Variants in FBXO42 observed in about 807,000 individuals in gnomAD.
FBXO42 encodes the protein F-box only protein 42.
A neutral mutation model predicts 71.7 loss-of-function variants in FBXO42; 12 were observed. The ratio of observed to expected loss-of-function variants is 0.17; its 90% CI spans 0.11 to 0.27. The LOEUF is 0.27. FBXO42 is among the 10% of genes least tolerant of loss of function. FBXO42 has a pLI of 1.00. For missense variants in FBXO42, 707 were observed against 911.9 expected, an observed-to-expected ratio of 0.78 and a Z score of 2.89; for synonymous variants, 325 against 327.5, an observed-to-expected ratio of 0.99 and a Z score of 0.08.
intron 4 of FBXO42, among the ~76,000 whole-genome samples, chr1:16,264,945 G>C (rs538895437): frequency 6.6e-6 from 1 of 152,242 alleles, no homozygotes; most frequent in South Asian, 2.1e-4. Flanking sequence ...CCAAATCCTA[G>C]TTTGATTTCT....
In FBXO42 at chr1:16,262,678, C is replaced by T. The variant is rs137925161; in HGVS notation, c.503-5919G>A. ...GTACACATGGGGTGGTCAGAGATTA[C>T]GCGGATCCATCAATTTTGGCAATTT... On this transcript the variant is annotated intron_variant, in intron 4 of 9. Transcript: ENST00000375592. 7.0e-4 allele frequency among the ~76,000 whole-genome samples: 107 copies of T among 152,206 alleles called. 1 individual carries two copies. Among genetic ancestry groups the T allele is most frequent in the African/African-American group, 2.2e-3 (91 of 41,536 alleles).
intron 1 of FBXO42, among the ~76,000 whole-genome samples, chr1:16,350,294 T>A (rs2082687047): frequency 6.6e-6 from 1 of 152,072 alleles, no homozygotes; most frequent in South Asian, 2.1e-4. Flanking sequence ...GCCACCAGGA[T>A]GTTTTACTGC....
chr1:16,284,654 A>AC (rs770596908), intron 4 of FBXO42, among the ~76,000 whole-genome samples: 86 of 152,150 alleles, frequency 5.7e-4, no homozygotes, highest in Middle Eastern at 6.8e-3. Context: ...AGATAGTGAA[A>AC]CCCCATCTCT....
intron 3 of FBXO42, among the ~76,000 whole-genome samples, chr1:16,300,023 C>T (rs897674281): frequency 6.6e-6 from 1 of 152,154 alleles, no homozygotes; most frequent in African/African-American, 2.4e-5. Flanking sequence ...ATAGATTGAT[C>T]TGAGAGGGGC....
chr1:16,340,721 C>A (rs773605769), intron 1 of FBXO42, among the ~76,000 whole-genome samples: 24 of 152,154 alleles, frequency 1.6e-4, no homozygotes, highest in Non-Finnish European at 2.6e-4. Flanking sequence ...GCTTTATACA[C>A]TTTACTGAGC....
intron 1 of FBXO42, among the ~76,000 whole-genome samples, chr1:16,326,307 G>A (rs2082451095): frequency 2.0e-5 from 3 of 150,350 alleles, no homozygotes; most frequent in Admixed American, 2.0e-4. Context: ...CCATCTGCCT[G>A]GGCCTCCCAA....
intron 4 of FBXO42, among the ~76,000 whole-genome samples, chr1:16,272,154 CAAAAAA>C (rs999974704): frequency 1.6e-4 from 7 of 44,650 alleles, no homozygotes; most frequent in African/African-American, 5.3e-4. Context: ...GACTCCGTCC[CAAAAAA>C]AAAAAAAAAA....
At chr1:16,296,757 T>C (rs143956176) in intron 3 of FBXO42, among the ~76,000 whole-genome samples, 31 of 152,080 alleles carry the variant, frequency 2.0e-4, no homozygotes, top group South Asian at 2.1e-4. Context: ...TAGGTCTAAT[T>C]CAGTTTAGCA....
chr1:16,259,479 T>G (rs2081684944), intron 4 of FBXO42, among the ~76,000 whole-genome samples: 1 of 152,150 alleles, frequency 6.6e-6, no homozygotes, highest in Non-Finnish European at 1.5e-5. Flanking sequence ...AATATATACC[T>G]CTTGCCAGGC....
At chr1:16,258,797 T>G (rs1470713122) in intron 4 of FBXO42, among the ~76,000 whole-genome samples, 1 of 151,994 alleles carries the variant, frequency 6.6e-6, no homozygotes, top group Non-Finnish European at 1.5e-5. Flanking sequence ...AGTGCAGTGA[T>G]GCGATCATGG....
intron 2 of FBXO42, among the ~76,000 whole-genome samples, chr1:16,313,742 G>C (rs978422749): frequency 6.6e-6 from 1 of 152,144 alleles, no homozygotes; most frequent in Non-Finnish European, 1.5e-5. Flanking sequence ...ATTGTTCTCT[G>C]TTATATCTCT....
At chr1:16,292,582 C>G (rs1409865547) in intron 4 of FBXO42, 2 of 152,156 alleles carry the variant, frequency 1.3e-5, no homozygotes, top group East Asian at 3.9e-4. Context: ...TAGGCGTGAG[C>G]CACTTCGCCT....
intron 1 of FBXO42, among the ~76,000 whole-genome samples, chr1:16,346,252 G>T (rs1401667276): frequency 6.6e-6 from 1 of 152,004 alleles, no homozygotes; most frequent in African/African-American, 2.4e-5. Context: ...TTGAAAGTGC[G>T]TTTACCCCCA....
chr1:16,347,815 C>T (rs1420396538), intron 1 of FBXO42, among the ~76,000 whole-genome samples: 2 of 152,060 alleles, frequency 1.3e-5, no homozygotes, highest in African/African-American at 4.8e-5. Context: ...CAGTGAAACC[C>T]TGTCTTTACT....
chr1:16,250,667 A>C lies in FBXO42; in HGVS notation c.*3T>G. 6.2e-7 allele frequency: 1 copy of C among 1,609,846 alleles called. No homozygotes were observed. Among genetic ancestry groups the C allele is most frequent in the Non-Finnish European group, 8.5e-7 (1 of 1,177,114 alleles). On this transcript the variant is annotated 3_prime_UTR_variant, in exon 10 of 10. Coordinates refer to ENST00000375592, the MANE Select transcript of FBXO42 (RefSeq NM_018994.3). The surrounding 1 kb of genome is among the most constrained non-coding windows in gnomAD (Gnocchi z 4.7). ...ACAGAAAAGGAAAGGGGTTTAGAAC[A>C]CATTATCTCTTTGCTCGTACAAAGT...
chr1:16,319,153 G>A (rs116513700), intron 1 of FBXO42, among the ~76,000 whole-genome samples: 1,821 of 152,262 alleles, frequency 0.012, 32 homozygotes, highest in African/African-American at 0.042. Flanking sequence ...TGGATTTGGC[G>A]GGGGGTGGGG....
chr1:16,345,315 TG>T (rs1391020398), intron 1 of FBXO42, among the ~76,000 whole-genome samples: 1 of 149,886 alleles, frequency 6.7e-6, no homozygotes, highest in Non-Finnish European at 1.5e-5. Context: ...CCCAGCTATT[TG>T]GGAGGCTGAG....
Position 16,248,411 on chromosome 1 carries a change from T to C in FBXO42, c.*2259A>G, listed in dbSNP as rs915468218. 10 of 152,330 alleles carry C rather than the reference T, an allele frequency of 6.6e-5. 2 individuals are homozygous for C. Among genetic ancestry groups the C allele is most frequent in the Admixed American group, 5.2e-4 (8 of 15,304 alleles). 9.4% of individuals were successfully genotyped at this position (152,330 alleles called of 1,614,324 possible). On this transcript the variant is annotated 3_prime_UTR_variant, in exon 10 of 10. Coordinates refer to ENST00000375592, the MANE Select transcript of FBXO42 (RefSeq NM_018994.3). The stretch of plus-strand genomic sequence containing the variant: ...AGTTCAGAGGAACCAGATTACTTTC[T>C]AAGACAATCAACATATCTGTTGCCT...
intron 1 of FBXO42, among the ~76,000 whole-genome samples, chr1:16,350,227 C>T (rs2082686635): frequency 6.6e-6 from 1 of 151,912 alleles, no homozygotes; most frequent in South Asian, 2.1e-4. Flanking sequence ...TGCATCAATA[C>T]CTGATGATGA....
Sources: allele counts gnomAD v4.1 joint callset (sites outside exome capture counted in the v4.1 genomes callset), GRCh38; gene constraint gnomAD v4.1.1; non-coding constraint Gnocchi (gnomAD v3.1); transcripts MANE v1.5; gene names NCBI Gene and HGNC (gene_info 2026-07-23, HGNC 2026-07-21).